The following ARHGAP15 variants were observed in gnomAD, a reference collection of about 807,000 sequenced individuals.
The protein encoded by ARHGAP15 is Rho GTPase activating protein 15.
ARHGAP15 carries 51 observed loss-of-function variants against 63.7 expected under a neutral mutation model. The ratio of observed to expected loss-of-function variants is 0.80; its 90% CI spans 0.64 to 1.01. The LOEUF is 1.01. Ranked by LOEUF, ARHGAP15 falls within the 50% of genes least tolerant of loss-of-function variation. The probability of loss-of-function intolerance (pLI) is 0.00; values close to 1 mark genes in which losing one functional copy is unlikely to be tolerated. For synonymous variants in ARHGAP15, 191 were observed against 193.8 expected, an observed-to-expected ratio of 0.99 and a Z score of 0.12; for missense variants, 560 against 564.6, an observed-to-expected ratio of 0.99 and a Z score of 0.08.
At chr2:143,654,884 G>C (rs1011212552) in intron 12 of ARHGAP15, among the ~76,000 whole-genome samples, 1 of 152,076 alleles carries the variant, frequency 6.6e-6, no homozygotes, top group Non-Finnish European at 1.5e-5. Flanking sequence ...GATTGCTTGG[G>C]ACCAGGAGTT....
chr2:143,678,035 C>T (rs1318287169), intron 12 of ARHGAP15, among the ~76,000 whole-genome samples: 1 of 152,144 alleles, frequency 6.6e-6, no homozygotes, highest in Non-Finnish European at 1.5e-5. Context: ...TGGCAAAACC[C>T]TGTGTCTATT....
intron 8 of ARHGAP15, among the ~76,000 whole-genome samples, chr2:143,460,817 A>G (rs575971093): frequency 7.9e-5 from 12 of 152,310 alleles, no homozygotes; most frequent in African/African-American, 2.9e-4. Flanking sequence ...AACTTAGGAA[A>G]GGAACCCAGA....
At chr2:143,517,264 A>G (rs1024089514) in intron 9 of ARHGAP15, among the ~76,000 whole-genome samples, 1 of 152,122 alleles carries the variant, frequency 6.6e-6, no homozygotes, top group Non-Finnish European at 1.5e-5. Context: ...TATTATTAAT[A>G]GTGTTTTAGC....
At chr2:143,767,309 T>A (rs2072954214) in intron 13 of ARHGAP15, among the ~76,000 whole-genome samples, 1 of 152,180 alleles carries the variant, frequency 6.6e-6, no homozygotes, top group South Asian at 2.1e-4. Context: ...TAGTGTTTCA[T>A]TGGTATTCCA....
intron 6 of ARHGAP15, among the ~76,000 whole-genome samples, chr2:143,321,087 C>T (rs2105224065): frequency 6.6e-6 from 1 of 152,226 alleles, no homozygotes; most frequent in Middle Eastern, 3.4e-3. Context: ...CCCTGGCTCT[C>T]AGGGCCCACT....
At chr2:143,372,318 G>C (rs1429525123) in intron 6 of ARHGAP15, among the ~76,000 whole-genome samples, 1 of 144,566 alleles carries the variant, frequency 6.9e-6, no homozygotes, top group African/African-American at 2.6e-5. Context: ...ATTCCAGCCT[G>C]GCGACAAAAA....
intron 12 of ARHGAP15, among the ~76,000 whole-genome samples, chr2:143,631,473 C>T (rs1009957135): frequency 2.6e-5 from 4 of 152,030 alleles, no homozygotes; most frequent in African/African-American, 9.7e-5. Flanking sequence ...TCCCCACATC[C>T]TCAGCAACAC....
rs370877231 is a variant in ARHGAP15 at position 143,556,392 on chromosome 2, G to C, written c.926-16G>C. 4 of 1,580,630 alleles carry C rather than the reference G, an allele frequency of 2.5e-6. No homozygotes were observed. The South Asian group carries it at 3.5e-5, about 14-fold the overall frequency. On this transcript the variant is annotated splice_polypyrimidine_tract_variant and intron_variant, in intron 10 of 13. Transcript: ENST00000295095. ...TCCTATATGTGCTAATATAAAATAT[G>C]CCCTTTTGTCTTCAGGTCTAGATGT...
chr2:143,439,804 A>C (rs1689797480), intron 8 of ARHGAP15, among the ~76,000 whole-genome samples: 3 of 152,182 alleles, frequency 2.0e-5, no homozygotes, highest in African/African-American at 7.2e-5. Flanking sequence ...AGTAAAAGGT[A>C]AACTTAGTTT....
At chr2:143,429,968 T>C (rs529286472) in intron 6 of ARHGAP15, among the ~76,000 whole-genome samples, 35 of 152,214 alleles carry the variant, frequency 2.3e-4, no homozygotes, top group African/African-American at 7.5e-4. Context: ...CTTGATCTTC[T>C]TGACAGACCA....
chr2:143,528,983 T>C (rs1694407612), intron 10 of ARHGAP15, among the ~76,000 whole-genome samples: 1 of 152,156 alleles, frequency 6.6e-6, no homozygotes, highest in Non-Finnish European at 1.5e-5. Context: ...ATCTCAATTA[T>C]ACCTAAAGCT....
In ARHGAP15 at chr2:143,529,635, C is replaced by T. The variant is rs1694436344; in HGVS notation, c.925+10271C>T. Among the ~76,000 whole-genome samples, 2 of 152,120 alleles carry T rather than the reference C, an allele frequency of 1.3e-5. 1 individual carries two copies. Among genetic ancestry groups the T allele is most frequent in the South Asian group, 4.1e-4 (2 of 4,824 alleles). ...AGCTGCTTTCTATGCTCCAGGAATA[C>T]CAAGTACATGAATTTTTCTAATGGC... On this transcript the variant is annotated intron_variant, in intron 10 of 13. Transcript: ENST00000295095.
intron 8 of ARHGAP15, among the ~76,000 whole-genome samples, chr2:143,462,319 T>C (rs1690983046): frequency 6.6e-6 from 1 of 152,100 alleles, no homozygotes; most frequent in African/African-American, 2.4e-5. Context: ...GAAGTTTGCC[T>C]CTACAAAAAT....
chr2:143,666,886 G>C (rs1682226829), intron 12 of ARHGAP15, among the ~76,000 whole-genome samples: 1 of 147,976 alleles, frequency 6.8e-6, no homozygotes, highest in African/African-American at 2.6e-5. Flanking sequence ...TCTCACACCA[G>C]TTAGAATGGC....
chr2:143,261,307 G>A (rs1680703005), intron 6 of ARHGAP15, among the ~76,000 whole-genome samples: 1 of 138,482 alleles, frequency 7.2e-6, no homozygotes, highest in Admixed American at 7.2e-5. Flanking sequence ...AGTGACAGCT[G>A]TATCTTGGAG....
chr2:143,505,412 G>GTGTTTTGGAAA (rs1417890024), intron 9 of ARHGAP15, among the ~76,000 whole-genome samples: 1 of 152,190 alleles, frequency 6.6e-6, no homozygotes, highest in African/African-American at 2.4e-5. Context: ...ACAGGATAAG[G>GTGTTTTGGAAA]TGTTTTGGAA....
chr2:143,317,963 C>G (rs1277350770), intron 6 of ARHGAP15, among the ~76,000 whole-genome samples: 2 of 151,724 alleles, frequency 1.3e-5, no homozygotes, highest in Non-Finnish European at 2.9e-5. Context: ...CTATCAACAC[C>G]TTCATCACTA....
chr2:143,497,654 C>T (rs908858235), intron 9 of ARHGAP15, among the ~76,000 whole-genome samples: 2 of 152,098 alleles, frequency 1.3e-5, no homozygotes, highest in African/African-American at 2.4e-5. Context: ...TCGCCTCTGT[C>T]GTTGGTATAA....
chr2:143,320,721 G>GTTC (rs1277838348), intron 6 of ARHGAP15, among the ~76,000 whole-genome samples: 1 of 152,144 alleles, frequency 6.6e-6, no homozygotes, highest in Non-Finnish European at 1.5e-5. Flanking sequence ...GTAACTGCAT[G>GTTC]TTCTTTGTAT....
Sources: gnomAD v4.1 joint callset for allele counts (sites outside exome capture counted in the v4.1 genomes callset) on GRCh38, gnomAD v4.1.1 for gene constraint, MANE v1.5 for transcripts, NCBI Gene and HGNC (gene_info 2026-07-23, HGNC 2026-07-21) for gene names.